CSMD1: variants seen among roughly 807,000 people sequenced by gnomAD.
The protein encoded by CSMD1 is CUB and Sushi multiple domains 1, also known as CUB and sushi domain-containing protein 1.
Under a neutral mutation model 417.5 loss-of-function variants are expected in CSMD1, and 213 were observed. The observed-to-expected ratio is 0.51, with a 90% CI of 0.46 to 0.57. The LOEUF is 0.57. Ranked by LOEUF, CSMD1 falls within the 20% of genes least tolerant of loss-of-function variation. CSMD1 has a pLI of 0.00. For missense variants in CSMD1, 6,923 were observed against 4,529.7 expected, an observed-to-expected ratio of 1.53 and a Z score of -15.17; for synonymous variants, 2,862 against 1,736.8, an observed-to-expected ratio of 1.65 and a Z score of -16.11.
chr8:3,501,187 C>T (rs1412937911), intron 10 of CSMD1, among the ~76,000 whole-genome samples: 2 of 152,106 alleles, frequency 1.3e-5, no homozygotes, highest in African/African-American at 4.8e-5. Flanking sequence ...CCAAAAGAAT[C>T]CAAATATATC....
chr8:4,207,116 G>A (rs559051858), intron 3 of CSMD1, among the ~76,000 whole-genome samples: 1 of 152,078 alleles, frequency 6.6e-6, no homozygotes, highest in Non-Finnish European at 1.5e-5. Context: ...TTTCTAAATA[G>A]TCTTAAAAAT....
rs370650247 is a variant in CSMD1, at chr8:3,243,388, C to T, written c.4154-13157G>A. On this transcript the variant is annotated intron_variant, in intron 26 of 69. Coordinates refer to ENST00000635120, the MANE Select transcript of CSMD1 (RefSeq NM_033225.6). Reference sequence around the variant, plus strand: ...TGAGCAATAAAGCTGTTTATTTCACCTGGGTGCAGGTGGGCTGAGTCCGAA... The same window carrying T: ...TGAGCAATAAAGCTGTTTATTTCACTTGGGTGCAGGTGGGCTGAGTCCGAA... 6.7e-4 allele frequency among the ~76,000 whole-genome samples: 102 copies of T among 151,340 alleles called. 1 individual carries two copies. The highest frequency in any genetic ancestry group is 2.4e-3 in the African/African-American group (97 of 41,172).
At chr8:4,946,087 G>A (rs568430965) in intron 1 of CSMD1, among the ~76,000 whole-genome samples, 1 of 152,180 alleles carries the variant, frequency 6.6e-6, no homozygotes, top group East Asian at 1.9e-4. Context: ...AAGTCCACTT[G>A]CACACCCAGC....
At chr8:4,874,703 C>T (rs987565806) in intron 1 of CSMD1, among the ~76,000 whole-genome samples, 1 of 151,670 alleles carries the variant, frequency 6.6e-6, no homozygotes, top group Non-Finnish European at 1.5e-5. Context: ...AGTGAATTTA[C>T]TTATTTTTGA....
intron 3 of CSMD1, among the ~76,000 whole-genome samples, chr8:4,254,683 C>G (rs1464966438): frequency 6.6e-6 from 1 of 152,158 alleles, no homozygotes; most frequent in Admixed American, 6.5e-5. Flanking sequence ...TTACGTTTCA[C>G]TCCATATTTT....
intron 3 of CSMD1, among the ~76,000 whole-genome samples, chr8:4,153,411 A>T (rs867280964): frequency 1.3e-5 from 2 of 152,182 alleles, no homozygotes; most frequent in Non-Finnish European, 2.9e-5. Flanking sequence ...CCCTAGCCTC[A>T]TTCATGCTGT....
At chr8:4,571,775 C>G (rs2927552) in intron 2 of CSMD1, among the ~76,000 whole-genome samples, 101,091 of 151,990 alleles carry the variant, frequency 0.67, 33,710 homozygotes, top group African/African-American at 0.68. Context: ...TCTCTTTGTA[C>G]GTCTCTAAGA....
intron 10 of CSMD1, among the ~76,000 whole-genome samples, chr8:3,562,736 G>C (rs1255074925): frequency 3.3e-5 from 5 of 150,960 alleles, no homozygotes; most frequent in African/African-American, 9.7e-5. Context: ...ACAACTGATT[G>C]GTTAAAAATA....
At chr8:4,261,701 C>T (rs189737484) in intron 3 of CSMD1, among the ~76,000 whole-genome samples, 7 of 152,192 alleles carry the variant, frequency 4.6e-5, no homozygotes, top group Non-Finnish European at 8.8e-5. Context: ...TGAGTCACCT[C>T]TTCTGGCTGA....
intron 2 of CSMD1, among the ~76,000 whole-genome samples, chr8:4,587,072 G>A (rs1365366717): frequency 6.6e-6 from 1 of 152,080 alleles, no homozygotes; most frequent in Non-Finnish European, 1.5e-5. Flanking sequence ...ATGAAACATT[G>A]CTTTTACTAT....
At chr8:4,939,334 G>A (rs939227214) in intron 1 of CSMD1, among the ~76,000 whole-genome samples, 10 of 152,216 alleles carry the variant, frequency 6.6e-5, no homozygotes, top group South Asian at 2.1e-4. Flanking sequence ...ATGTCGAGGC[G>A]GTATCTGCAA....
intron 52 of CSMD1, among the ~76,000 whole-genome samples, chr8:3,012,797 G>A (rs1808503091): frequency 6.6e-6 from 1 of 152,128 alleles, no homozygotes. Flanking sequence ...TGTACACAGT[G>A]CCTGCTTCAT....
Position 4,419,898 on chromosome 8 carries a change from T to G in CSMD1, c.415+55A>C, listed in dbSNP as rs1228294. On this transcript the variant is annotated intron_variant, in intron 3 of 69. Coordinates refer to ENST00000635120, the MANE Select transcript of CSMD1 (RefSeq NM_033225.6). ...TTGTCATTATTAATCCAGTGTAGCA[T>G]GTATTAGATCATTTGGACAGTGAAT... 3,111 of 1,143,198 alleles carry G rather than the reference T, an allele frequency of 2.7e-3. 52 individuals carry two copies. In the African/African-American group the frequency reaches 0.04, roughly 15 times the overall value. The allele number at this position is 1,143,198 out of a possible 1,614,324, so 70.8% of individuals were successfully genotyped here.
chr8:4,908,816 A>G (rs1805476544), intron 1 of CSMD1, among the ~76,000 whole-genome samples: 1 of 152,050 alleles, frequency 6.6e-6, no homozygotes, highest in Non-Finnish European at 1.5e-5. Flanking sequence ...TACTTTTCCC[A>G]TTAGCACTCT....
intron 5 of CSMD1, among the ~76,000 whole-genome samples, chr8:3,822,762 G>T (rs940854613): frequency 6.6e-6 from 1 of 152,162 alleles, no homozygotes; most frequent in African/African-American, 2.4e-5. Flanking sequence ...ATACAGGTTT[G>T]TTGAGAATAA....
intron 2 of CSMD1, among the ~76,000 whole-genome samples, chr8:4,519,371 G>T (rs550907710): frequency 2.0e-5 from 3 of 152,010 alleles, no homozygotes; most frequent in East Asian, 3.9e-4. Context: ...GAATCAAAAT[G>T]AAAAAGTAAA....
chr8:4,946,524 C>G (rs952596203), intron 1 of CSMD1, among the ~76,000 whole-genome samples: 5 of 152,124 alleles, frequency 3.3e-5, no homozygotes, highest in Non-Finnish European at 7.4e-5. Context: ...CCAGCTGCCT[C>G]TAACCAGGCC....
At chr8:3,483,696 C>T (rs1236872008) in intron 11 of CSMD1, among the ~76,000 whole-genome samples, 1 of 152,034 alleles carries the variant, frequency 6.6e-6, no homozygotes, top group South Asian at 2.1e-4. Flanking sequence ...AAAGAGAAAA[C>T]TATAGACCGA....
chr8:3,903,144 T>A (rs533369835), intron 5 of CSMD1, among the ~76,000 whole-genome samples: 1 of 152,256 alleles, frequency 6.6e-6, no homozygotes, highest in East Asian at 1.9e-4. Context: ...GAGAAACCTG[T>A]ATGAGCTCTG....
Sources: gnomAD v4.1 joint callset for allele counts (sites outside exome capture counted in the v4.1 genomes callset) on GRCh38, gnomAD v4.1.1 for gene constraint, MANE v1.5 for transcripts, NCBI Gene and HGNC (gene_info 2026-07-23, HGNC 2026-07-21) for gene names.